MLLT10: variants seen among roughly 807,000 people sequenced by gnomAD.
MLLT10 encodes the protein protein AF-10.
In MLLT10, 30 loss-of-function variants were observed where a neutral mutation model predicts 129.1. That is an observed-to-expected ratio of 0.23 (90% CI 0.17 to 0.32). The LOEUF is 0.32. Ranked by LOEUF, MLLT10 falls within the 10% of genes least tolerant of loss-of-function variation. MLLT10 has a pLI of 1.00. For synonymous variants in MLLT10, 490 were observed against 446.4 expected (o/e 1.10, Z -1.23); for missense variants, 1,119 against 1,268.3 (o/e 0.88, Z 1.79).
intron 3 of MLLT10, among the ~76,000 whole-genome samples, chr10:21,561,034 C>T (rs2038734538): frequency 6.6e-6 from 1 of 152,166 alleles, no homozygotes; most frequent in Non-Finnish European, 1.5e-5. Context: ...TATTTTATCC[C>T]ATTCTGTGTG....
chr10:21,715,778 A>G (rs963239206), intron 14 of MLLT10, among the ~76,000 whole-genome samples: 1 of 152,236 alleles, frequency 6.6e-6, no homozygotes, highest in African/African-American at 2.4e-5. Context: ...CTGAAGAACA[A>G]AGAAATCATA....
chr10:21,632,814 A>G (rs1261866588), intron 8 of MLLT10, among the ~76,000 whole-genome samples: 1 of 152,178 alleles, frequency 6.6e-6, no homozygotes, highest in Non-Finnish European at 1.5e-5. Context: ...GTGGTATATA[A>G]TCTAATCTCC....
At chr10:21,618,550 G>A (rs1246740169) in intron 8 of MLLT10, among the ~76,000 whole-genome samples, 9 of 152,028 alleles carry the variant, frequency 5.9e-5, no homozygotes, top group Non-Finnish European at 1.3e-4. Context: ...CTTTTTCAAG[G>A]TAAACATTGT....
At chr10:21,662,882 C>A (rs1243526354) in intron 9 of MLLT10, among the ~76,000 whole-genome samples, 1 of 152,088 alleles carries the variant, frequency 6.6e-6, no homozygotes, top group Non-Finnish European at 1.5e-5. Flanking sequence ...GAACCTCTAC[C>A]CCTGGAATGT....
At chr10:21,536,545 C>T (rs2034041798) in intron 2 of MLLT10, among the ~76,000 whole-genome samples, 1 of 152,064 alleles carries the variant, frequency 6.6e-6, no homozygotes, top group African/African-American at 2.4e-5. Context: ...TGTTTTTTGA[C>T]GGATAGAGCA....
chr10:21,691,908 T>C (rs916645317), intron 13 of MLLT10, among the ~76,000 whole-genome samples: 18 of 143,756 alleles, frequency 1.3e-4, no homozygotes, highest in African/African-American at 4.7e-4. Flanking sequence ...CTCACGCCTA[T>C]AATCCCAGCA....
chr10:21,620,277 A>G (rs1474952594), intron 8 of MLLT10, among the ~76,000 whole-genome samples: 1 of 152,132 alleles, frequency 6.6e-6, no homozygotes, highest in Non-Finnish European at 1.5e-5. Flanking sequence ...AAATATGCCT[A>G]GCATGTTTTT....
At position 21,670,465 on chromosome 10, in the gene MLLT10, G is replaced by A. The variant is rs1224735577; in HGVS notation, c.812G>A (p.Ser271Asn). The A allele has an allele frequency of 6.2e-7, 1 of 1,612,170 alleles. No individual in the cohort carries two copies. The highest frequency in any genetic ancestry group is 8.5e-7 in the Non-Finnish European group (1 of 1,179,504). ...AAATGTTAGACTTATACAAGCACTA[G>A]CAACAACTCTATATCTGGATCATTG... ...VTTEKTYTST[S>N]NNSISGSLKR... is the part of the protein sequence containing the mutation. The change falls in exon 10 of 23, where the codon AGC becomes AAC. Residue 271 changes from serine to asparagine, a missense_variant. Around this residue, in one of 5 missense-constraint regions of MLLT10, gnomAD observed 1,004 missense variants for 1,008.7 expected, o/e 1.00. Transcript: ENST00000307729.
intron 3 of MLLT10, among the ~76,000 whole-genome samples, chr10:21,558,713 A>C (rs1200999354): frequency 6.6e-6 from 1 of 152,054 alleles, no homozygotes; most frequent in African/African-American, 2.4e-5. Flanking sequence ...TATTTTTTTA[A>C]ATTTTAAGTA....
At chr10:21,612,183 T>G (rs2131193661) in intron 5 of MLLT10, among the ~76,000 whole-genome samples, 165 bp from the exon 6 acceptor site, 1 of 152,312 alleles carries the variant, frequency 6.6e-6, no homozygotes, top group Admixed American at 6.5e-5. Flanking sequence ...TATTTTTCTG[T>G]TTGTATTGTA....
At chr10:21,712,842 T>C (rs2056224709) in intron 13 of MLLT10, among the ~76,000 whole-genome samples, 2 of 152,276 alleles carry the variant, frequency 1.3e-5, no homozygotes, top group African/African-American at 4.8e-5. Flanking sequence ...GGCTGGTTTA[T>C]AGATATTCCC....
chr10:21,641,422 T>G (rs1177131181), intron 8 of MLLT10, among the ~76,000 whole-genome samples: 1 of 152,170 alleles, frequency 6.6e-6, no homozygotes, highest in Admixed American at 6.5e-5. Context: ...CTACTGATGT[T>G]TTAAACACCA....
intron 10 of MLLT10, 143 bp downstream of exon 10, chr10:21,670,847 C>A (rs1564618763): frequency 1.1e-6 from 1 of 912,952 alleles, no homozygotes; most frequent in Non-Finnish European, 1.5e-6. Context: ...AGTAAGATTA[C>A]TTTAAAGATA....
chr10:21,673,318 CT>C (rs397719980), intron 10 of MLLT10, 31 bp from the exon 11 acceptor site: 73,662 of 306,878 alleles, frequency 0.24, 2,015 homozygotes, highest in Middle Eastern at 0.29. Context: ...CACCCCCCAA[CT>C]TTTTTTTTTT....
intron 4 of MLLT10, among the ~76,000 whole-genome samples, chr10:21,588,009 C>A (rs1162609569): frequency 1.3e-5 from 2 of 152,148 alleles, no homozygotes; most frequent in Non-Finnish European, 2.9e-5. Context: ...TACTCTTCTG[C>A]CTCTTAATTT....
At chr10:21,614,423 A>G (rs1026550966) in intron 6 of MLLT10, among the ~76,000 whole-genome samples, 1 of 152,118 alleles carries the variant, frequency 6.6e-6, no homozygotes, top group African/African-American at 2.4e-5. Context: ...TGGGCTAAAT[A>G]CCATCACTTC....
In MLLT10 at chr10:21,542,000, C is replaced by T. The variant is rs767790810; in HGVS notation, c.240+3088C>T. On this transcript the variant is annotated intron_variant, in intron 3 of 22. Transcript: ENST00000307729. Reference sequence around the variant, plus strand: ...ACTTTTTTTTCTTTGTATCATGTTACGGTTTGTGGTGAATAGGTCACTACG... The same window carrying T: ...ACTTTTTTTTCTTTGTATCATGTTATGGTTTGTGGTGAATAGGTCACTACG... Among the ~76,000 whole-genome samples the T allele has an allele frequency of 3.3e-5, 5 of 151,800 alleles. No homozygotes were observed. The East Asian group carries it at 7.7e-4, about 23-fold the overall frequency.
At chr10:21,688,202 A>G (rs2053491781) in intron 13 of MLLT10, among the ~76,000 whole-genome samples, 1 of 152,332 alleles carries the variant, frequency 6.6e-6, no homozygotes, top group Admixed American at 6.5e-5. Context: ...TTGAAACTGC[A>G]AGAGGGGTGG....
chr10:21,603,146 G>A (rs1011392828), intron 5 of MLLT10, among the ~76,000 whole-genome samples: 1 of 150,446 alleles, frequency 6.6e-6, no homozygotes, highest in African/African-American at 2.4e-5. Context: ...TCCTCCTCCC[G>A]AGTTCAAGCC....
Sources: allele counts gnomAD v4.1 joint callset (sites outside exome capture counted in the v4.1 genomes callset), GRCh38; gene constraint gnomAD v4.1.1; regional missense constraint gnomAD v4.1.1; transcripts MANE v1.5; gene names NCBI Gene and HGNC (gene_info 2026-07-23, HGNC 2026-07-21).